Variants in PLCB4 observed in about 807,000 individuals in gnomAD.
PLCB4 encodes the protein 1-phosphatidylinositol 4,5-bisphosphate phosphodiesterase beta-4.
PLCB4 carries 77 observed loss-of-function variants against 178.8 expected under a neutral mutation model. The observed-to-expected ratio is 0.43, with a 90% CI of 0.36 to 0.52. PLCB4 has a LOEUF of 0.52. PLCB4 is among the 20% of genes least tolerant of loss of function. The probability of loss-of-function intolerance (pLI) is 0.00; values close to 1 mark genes in which losing one functional copy is unlikely to be tolerated. For missense variants in PLCB4, 1,024 were observed against 1,453.4 expected, an observed-to-expected ratio of 0.70 and a Z score of 4.80; for synonymous variants, 496 against 490.8, an observed-to-expected ratio of 1.01 and a Z score of -0.14.
At chr20:9,104,720 CT>C (rs1171677914) in intron 2 of PLCB4, among the ~76,000 whole-genome samples, 3 of 152,020 alleles carry the variant, frequency 2.0e-5, no homozygotes, top group East Asian at 3.9e-4. Flanking sequence ...TTTGATTATA[CT>C]TTTTTTCTCT....
At chr20:9,325,315 T>C (rs1464286445) in intron 4 of PLCB4, among the ~76,000 whole-genome samples, 1 of 152,208 alleles carries the variant, frequency 6.6e-6, no homozygotes, top group Non-Finnish European at 1.5e-5. Context: ...TAATTTTTCC[T>C]TATTTTAGTT....
intron 3 of PLCB4, among the ~76,000 whole-genome samples, chr20:9,304,528 ACTTT>A (rs1002634874): frequency 9.2e-5 from 14 of 152,312 alleles, no homozygotes; most frequent in African/African-American, 3.4e-4. Flanking sequence ...AAATTGTGTT[ACTTT>A]GAGTTATTTA....
At chr20:9,476,061 G>A (rs777318143) in intron 38 of PLCB4, among the ~76,000 whole-genome samples, 91 of 152,162 alleles carry the variant, frequency 6.0e-4, no homozygotes, top group Middle Eastern at 3.4e-3. Flanking sequence ...CTCCTAATCG[G>A]TGTCCCAAAT....
At chr20:9,271,346 A>G (rs1273714543) in intron 3 of PLCB4, among the ~76,000 whole-genome samples, 1 of 152,126 alleles carries the variant, frequency 6.6e-6, no homozygotes, top group Non-Finnish European at 1.5e-5. Context: ...TTATCTCACA[A>G]CTTTATCAGG....
At chr20:9,334,124 G>A (rs975202542) in intron 4 of PLCB4, among the ~76,000 whole-genome samples, 2 of 152,142 alleles carry the variant, frequency 1.3e-5, no homozygotes, top group African/African-American at 2.4e-5. Flanking sequence ...ACCAAGTCCT[G>A]AGGACTATGT....
chr20:9,177,327 G>C (rs1426125567), intron 2 of PLCB4, among the ~76,000 whole-genome samples: 1 of 152,050 alleles, frequency 6.6e-6, no homozygotes, highest in Non-Finnish European at 1.5e-5. Context: ...GAATGGGTTT[G>C]GGTTTGTTTT....
Position 9,086,920 on chromosome 20 carries a change from T to A in PLCB4, c.-134-9367T>A, listed in dbSNP as rs980911827. 6.6e-5 allele frequency among the ~76,000 whole-genome samples: 10 copies of A among 152,326 alleles called. No individual in the cohort carries two copies. The South Asian group carries it at 2.1e-3, about 32-fold the overall frequency. ...TTCTTTTATATTTACCCTTTTATCA[T>A]CATGAAGTGTTTCTCTTTGTCTCTA... On this transcript the variant is annotated intron_variant, in intron 1 of 39. Coordinates refer to ENST00000378473, the MANE Select transcript of PLCB4 (RefSeq NM_001377142.1).
rs1318708492 is a variant in PLCB4, at chr20:9,423,889, T to G, written c.2461T>G (p.Leu821Val). The change falls in exon 28 of 40, where the codon TTA becomes GTA. Residue 821 changes from leucine to valine, a missense_variant. By Grantham distance (32) the Leu-to-Val change is conservative. Coordinates refer to ENST00000378473, the MANE Select transcript of PLCB4 (RefSeq NM_001377142.1). ...ISLRNEGNKP[L>V]SLPTIFCNIV... is the part of the protein sequence containing the mutation. ...CCTTCGAAATGAGGGAAATAAACCATTATCACTACCAACAATTTTCTGCAA... is the reference window on the plus strand; with the variant it reads ...CCTTCGAAATGAGGGAAATAAACCAGTATCACTACCAACAATTTTCTGCAA... 6.2e-7 allele frequency: 1 copy of G among 1,613,660 alleles called. No homozygotes were observed. The highest frequency in any genetic ancestry group is 8.5e-7 in the Non-Finnish European group (1 of 1,179,698).
chr20:9,377,190 TCTC>T (rs1016954168), intron 12 of PLCB4, among the ~76,000 whole-genome samples: 2 of 152,194 alleles, frequency 1.3e-5, no homozygotes, highest in African/African-American at 4.8e-5. Context: ...GTTCTCTTCA[TCTC>T]CTCCTTACTT....
intron 1 of PLCB4, among the ~76,000 whole-genome samples, chr20:9,072,935 TACTC>T (rs2089644763): frequency 1.3e-5 from 2 of 152,192 alleles, no homozygotes; most frequent in South Asian, 4.1e-4. Flanking sequence ...ACACCTCTCT[TACTC>T]ACTACTTATA....
chr20:9,367,817 A>G (rs2035911215), intron 9 of PLCB4, among the ~76,000 whole-genome samples: 1 of 152,226 alleles, frequency 6.6e-6, no homozygotes, highest in Non-Finnish European at 1.5e-5. Context: ...GTTCACATAC[A>G]AAATTATTAC....
At position 9,349,330 on chromosome 20, in the gene PLCB4, A is replaced by C. The variant is rs575377119; in HGVS notation, c.369+10293A>C. On this transcript the variant is annotated intron_variant, in intron 7 of 39. Transcript: ENST00000378473. ...CCCCACAGCGCTGATAACCACTCTA[A>C]TGAGTCTTTTTATTCCCCACACACT... 2.6e-5 allele frequency among the ~76,000 whole-genome samples: 4 copies of C among 152,218 alleles called. No individual in the cohort carries two copies. In the East Asian group the frequency reaches 7.7e-4, roughly 29 times the overall value.
chr20:9,284,262 G>A (rs1180845742), intron 3 of PLCB4, among the ~76,000 whole-genome samples: 1 of 151,936 alleles, frequency 6.6e-6, no homozygotes. Flanking sequence ...CAGGCAGTGA[G>A]CCATGCCGAT....
chr20:9,424,051 C>T (rs573768131), intron 28 of PLCB4, 99 bp downstream of exon 28: 1 of 775,538 alleles, frequency 1.3e-6, no homozygotes, highest in East Asian at 2.6e-5. Flanking sequence ...AATAAAAATA[C>T]TGTCTATTCC....
intron 24 of PLCB4, among the ~76,000 whole-genome samples, chr20:9,410,394 T>C (rs1157914713): frequency 6.6e-6 from 1 of 152,260 alleles, no homozygotes; most frequent in Admixed American, 6.5e-5. Flanking sequence ...ATTAAATGGC[T>C]AACCCAGCTT....
At chr20:9,182,394 T>C (rs1160026814) in intron 2 of PLCB4, among the ~76,000 whole-genome samples, 1 of 152,188 alleles carries the variant, frequency 6.6e-6, no homozygotes, top group Admixed American at 6.5e-5. Context: ...CTGAAGTGTC[T>C]ACGGGAGGCA....
chr20:9,078,962 G>A (rs895828161), intron 1 of PLCB4, among the ~76,000 whole-genome samples: 1 of 152,214 alleles, frequency 6.6e-6, no homozygotes, highest in Middle Eastern at 3.4e-3. Flanking sequence ...AAAAATTCTG[G>A]TTTGGTTGGC....
At chr20:9,465,231 C>T (rs1290394454) in intron 35 of PLCB4, among the ~76,000 whole-genome samples, 3 of 152,170 alleles carry the variant, frequency 2.0e-5, no homozygotes, top group Non-Finnish European at 4.4e-5. Context: ...CAAAATTCAA[C>T]AGGCCTTCAT....
intron 3 of PLCB4, among the ~76,000 whole-genome samples, chr20:9,261,345 A>G (rs1308705842): frequency 6.6e-6 from 1 of 152,228 alleles, no homozygotes; most frequent in Non-Finnish European, 1.5e-5. Context: ...TTAAATACTT[A>G]CAGTAATTCT....
Sources: gnomAD v4.1 joint callset for allele counts (sites outside exome capture counted in the v4.1 genomes callset) on GRCh38, gnomAD v4.1.1 for gene constraint, MANE v1.5 for transcripts, NCBI Gene and HGNC (gene_info 2026-07-23, HGNC 2026-07-21) for gene names.